Variants in PRKAR1A observed in about 807,000 individuals in gnomAD.
PRKAR1A encodes protein kinase cAMP-dependent type I regulatory subunit alpha, also known as cAMP-dependent protein kinase type I-alpha regulatory subunit.
PRKAR1A carries 3 observed loss-of-function variants against 52.0 expected under a neutral mutation model. The ratio of observed to expected loss-of-function variants is 0.06; its 90% CI spans 0.03 to 0.15. The LOEUF is 0.15. Among genes scored for constraint, PRKAR1A ranks in the 10% least tolerant of loss-of-function variants. The probability of loss-of-function intolerance (pLI) is 1.00; values close to 1 mark genes in which losing one functional copy is unlikely to be tolerated. For missense variants in PRKAR1A, 240 were observed against 477.4 expected, an observed-to-expected ratio of 0.50 and a Z score of 4.63; for synonymous variants, 188 against 168.4, an observed-to-expected ratio of 1.12 and a Z score of -0.90.
At position 68,514,263 on chromosome 17, in the gene PRKAR1A, C is replaced by T. The variant is rs1272473234; in HGVS notation, c.-6-1131C>T. ...AGAATAGCTCTTTACTCTGTTAATT[C>T]TTTCTATAAGTTCTTTTAAATTTAC... On this transcript the variant is annotated intron_variant, in intron 1 of 10. Transcript: ENST00000589228. 2.6e-5 allele frequency among the ~76,000 whole-genome samples: 4 copies of T among 152,086 alleles called. No individual in the cohort carries two copies. The South Asian group carries it at 6.2e-4, about 24-fold the overall frequency.
rs141913727 is a variant in PRKAR1A, at chr17:68,524,944, C to G, written c.535C>G (p.Gln179Glu). 3.1e-6 allele frequency: 5 copies of G among 1,609,546 alleles called. No homozygotes were observed. In the African/African-American group the frequency reaches 5.4e-5, roughly 17 times the overall value. ...DEGDNFYVID[Q>E]GETDVYVNNE... The stretch of plus-strand genomic sequence containing the variant: ...AGGGGATAACTTCTATGTGATTGAT[C>G]AAGGAGAGACGGATGTAAGATTTAC... The change falls in exon 6 of 11, where the codon CAA (glutamine) becomes GAA (glutamate). Residue 179 changes from glutamine (Q) to glutamate (E), a missense_variant. Physicochemically the swap from Gln to Glu is conservative, Grantham distance 29. This residue lies in a region of PRKAR1A where 107 missense variants were observed against 290.9 expected (regional missense o/e 0.37). Coordinates refer to ENST00000589228, the MANE Select transcript of PRKAR1A (RefSeq NM_002734.5).
the PRKAR1A span, among the ~76,000 whole-genome samples, chr17:68,424,984 A>AT: frequency 6.6e-6 from 1 of 152,220 alleles, no homozygotes; most frequent in African/African-American, 2.4e-5. Flanking sequence ...GTTACTCCAG[A>AT]TGGGAGCCTG....
intron 6 of PRKAR1A, among the ~76,000 whole-genome samples, chr17:68,525,366 A>G (rs1018962714): frequency 2.0e-5 from 3 of 152,136 alleles, no homozygotes; most frequent in African/African-American, 7.2e-5. Flanking sequence ...TTATTCACAA[A>G]TGAAATGGGG....
At chr17:68,522,612 T>A (rs1259500165) in intron 2 of PRKAR1A, 144 bp from the exon 3 acceptor site, 2 of 874,280 alleles carry the variant, frequency 2.3e-6, no homozygotes, top group Non-Finnish European at 3.7e-6. Context: ...TTTTTTCCCC[T>A]TTGGAATTGG....
In PRKAR1A at chr17:68,542,642, T is replaced by A. The variant is rs2086355483; in HGVS notation, c.974-8442T>A. 1.2e-5 allele frequency: 17 copies of A among 1,402,356 alleles called. No individual in the cohort carries two copies. In the South Asian group the frequency reaches 1.8e-4, roughly 15 times the overall value. The allele number at this position is 1,402,356 out of a possible 1,614,324, so 86.9% of individuals were successfully genotyped here. On this transcript the variant is annotated intron_variant, in intron 11 of 11. Transcript: ENST00000585981. ...CACTGATGAATGGAGGGGTGGACAC[T>A]CTGGCTTACGATCTACTCAGACCCG...
chr17:68,509,524 G>A (rs1221160095), upstream of PRKAR1A, among the ~76,000 whole-genome samples: 3 of 152,168 alleles, frequency 2.0e-5, no homozygotes. Context: ...AGTTTCTCAA[G>A]GACACAGTCC....
At chr17:68,538,755 A>T (rs1017066429) in intron 11 of PRKAR1A, among the ~76,000 whole-genome samples, 3 of 152,260 alleles carry the variant, frequency 2.0e-5, no homozygotes, top group African/African-American at 4.8e-5. Flanking sequence ...ATAGGTGATT[A>T]TCTGAGTGGG....
At chr17:68,435,670 C>T in the PRKAR1A span, 1 of 1,614,228 alleles carries the variant, frequency 6.2e-7, no homozygotes, top group Non-Finnish European at 8.5e-7. Flanking sequence ...AAGGTGATGG[C>T]AGCTAGTGTT....
the PRKAR1A span, chr17:68,457,427 G>T: frequency 6.8e-7 from 1 of 1,471,068 alleles, no homozygotes; most frequent in East Asian, 2.9e-5. Context: ...TCCATCGGGG[G>T]CTCGGCCCGG....
intron 2 of PRKAR1A, among the ~76,000 whole-genome samples, chr17:68,520,065 C>T (rs2085558087): frequency 6.6e-6 from 1 of 152,190 alleles, no homozygotes. Context: ...ATGTTCTTGA[C>T]ACCACATATC....
At chr17:68,433,360 A>C in the PRKAR1A span, 1 of 1,057,552 alleles carries the variant, frequency 9.5e-7, no homozygotes, top group South Asian at 1.4e-5. Context: ...TCCCAAGTGA[A>C]GCCAAGATTG....
At chr17:68,471,434 C>T in the PRKAR1A span, among the ~76,000 whole-genome samples, 1 of 152,180 alleles carries the variant, frequency 6.6e-6, no homozygotes, top group Non-Finnish European at 1.5e-5. Flanking sequence ...TCTCCTCCTC[C>T]CCCAGACATA....
At chr17:68,542,031 C>A (rs1481715306) in intron 11 of PRKAR1A, 2 of 1,614,086 alleles carry the variant, frequency 1.2e-6, no homozygotes, top group Non-Finnish European at 1.7e-6. Flanking sequence ...GGGTTGGGCA[C>A]AGACAGCCTG....
chr17:68,481,069 C>T, the PRKAR1A span, among the ~76,000 whole-genome samples: 1 of 152,182 alleles, frequency 6.6e-6, no homozygotes, highest in South Asian at 2.1e-4. Context: ...AACAGCTCAC[C>T]CTCTTGTGGG....
chr17:68,530,772 A>G lies in PRKAR1A; in HGVS notation c.*323A>G. 7.7e-7 allele frequency: 1 copy of G among 1,300,704 alleles called. No individual in the cohort carries two copies. 80.6% of individuals were successfully genotyped at this position (1,300,704 alleles called of 1,614,324 possible). Reference sequence around the variant, plus strand: ...ATCCCAGCACCTATTGAATTACCATAGAGTAATGATGTAACAGTGCAAGAT... The same window carrying G: ...ATCCCAGCACCTATTGAATTACCATGGAGTAATGATGTAACAGTGCAAGAT... On this transcript the variant is annotated 3_prime_UTR_variant, in exon 11 of 11. Coordinates refer to ENST00000589228, the MANE Select transcript of PRKAR1A (RefSeq NM_002734.5).
chr17:68,434,969 A>C, the PRKAR1A span, among the ~76,000 whole-genome samples: 1 of 152,298 alleles, frequency 6.6e-6, no homozygotes, highest in African/African-American at 2.4e-5. Context: ...TGGGAGGCCA[A>C]GGCGGGTGGA....
chr17:68,446,306 G>A, the PRKAR1A span, among the ~76,000 whole-genome samples: 5 of 151,906 alleles, frequency 3.3e-5, no homozygotes, highest in African/African-American at 4.8e-5. Flanking sequence ...CCAGCCTCTC[G>A]GGTGGCAGGG....
At chr17:68,524,804 A>G in intron 5 of PRKAR1A, 108 bp from the exon 6 acceptor site, 1 of 856,764 alleles carries the variant, frequency 1.2e-6, no homozygotes, top group Non-Finnish European at 2.0e-6. Context: ...TTAGTTTGTA[A>G]CACACTCTCA....
chr17:68,470,087 T>TC, the PRKAR1A span, among the ~76,000 whole-genome samples: 1 of 151,260 alleles, frequency 6.6e-6, no homozygotes, highest in South Asian at 2.1e-4. Flanking sequence ...ATCTTAGATT[T>TC]TTTTTTTTTT....
Sources: gnomAD v4.1 joint callset for allele counts (sites outside exome capture counted in the v4.1 genomes callset) on GRCh38, gnomAD v4.1.1 for gene constraint, gnomAD v4.1.1 regional missense constraint, MANE v1.5 for transcripts, NCBI Gene and HGNC (gene_info 2026-07-23, HGNC 2026-07-21) for gene names.